The following RBFOX1 variants were observed in gnomAD, a reference collection of about 807,000 sequenced individuals.
The protein encoded by RBFOX1 is RNA binding protein fox-1 homolog 1.
RBFOX1 carries 8 observed loss-of-function variants against 57.7 expected under a neutral mutation model. The ratio of observed to expected loss-of-function variants is 0.14; its 90% CI spans 0.08 to 0.25. RBFOX1 has a LOEUF of 0.25. Among genes scored for constraint, RBFOX1 ranks in the 10% least tolerant of loss-of-function variants. The probability of loss-of-function intolerance (pLI) is 1.00; values close to 1 mark genes in which losing one functional copy is unlikely to be tolerated. For missense variants in RBFOX1, 611 were observed against 548.5 expected, an observed-to-expected ratio of 1.11 and a Z score of -1.14; for synonymous variants, 326 against 222.4, an observed-to-expected ratio of 1.47 and a Z score of -4.15.
intron 6 of RBFOX1, 81 bp from the exon 7 acceptor site, chr16:7,587,166 G>T (rs576127251): frequency 3.0e-6 from 4 of 1,319,174 alleles, no homozygotes; most frequent in Admixed American, 3.0e-5. Context: ...AAAAATGGAC[G>T]TGGGAAACAA....
chr16:6,655,933 C>G (rs1322671445), intron 3 of RBFOX1, among the ~76,000 whole-genome samples: 1 of 152,168 alleles, frequency 6.6e-6, no homozygotes, highest in African/African-American at 2.4e-5. Flanking sequence ...AGTTGCCACA[C>G]ATTATTTTAG....
At chr16:7,527,196 A>T (rs1365698803) in intron 5 of RBFOX1, among the ~76,000 whole-genome samples, 1 of 152,200 alleles carries the variant, frequency 6.6e-6, no homozygotes, top group Non-Finnish European at 1.5e-5. Context: ...TAATTTGAAG[A>T]CATGGGTACT....
intron 2 of RBFOX1, among the ~76,000 whole-genome samples, chr16:6,317,721 G>A (rs535784768): frequency 6.6e-6 from 1 of 152,094 alleles, no homozygotes; most frequent in Non-Finnish European, 1.5e-5. Flanking sequence ...TTTATATGCA[G>A]ATATACTCTA....
intron 12 of RBFOX1, among the ~76,000 whole-genome samples, chr16:7,658,752 T>C (rs1357865731): frequency 6.6e-6 from 1 of 152,044 alleles, no homozygotes; most frequent in Non-Finnish European, 1.5e-5. Flanking sequence ...TGAGATGGAG[T>C]CTTGCTCTGT....
chr16:7,313,892 G>C (rs986281504), intron 4 of RBFOX1, among the ~76,000 whole-genome samples: 3 of 152,166 alleles, frequency 2.0e-5, no homozygotes, highest in African/African-American at 4.8e-5. Context: ...GGCTGGTTCT[G>C]TATGATTTAC....
At chr16:5,634,297 C>T (rs1409467705) in intron 3 of RBFOX1, among the ~76,000 whole-genome samples, 1 of 152,186 alleles carries the variant, frequency 6.6e-6, no homozygotes, top group African/African-American at 2.4e-5. Flanking sequence ...TATTTATTTT[C>T]ACTTTCTCCA....
chr16:5,603,668 C>T (rs1038803801), downstream of RBFOX1, among the ~76,000 whole-genome samples: 2 of 152,148 alleles, frequency 1.3e-5, no homozygotes, highest in African/African-American at 4.8e-5. Flanking sequence ...AGGGTCTTTG[C>T]TTAGATGCCA....
At chr16:7,114,504 A>G (rs956450414) in intron 4 of RBFOX1, among the ~76,000 whole-genome samples, 1 of 152,188 alleles carries the variant, frequency 6.6e-6, no homozygotes, top group Non-Finnish European at 1.5e-5. Flanking sequence ...GCACTGTGAA[A>G]ATTAGCAGTG....
chr16:7,305,398 G>C (rs1016676408), intron 4 of RBFOX1, among the ~76,000 whole-genome samples: 1 of 152,090 alleles, frequency 6.6e-6, no homozygotes, highest in African/African-American at 2.4e-5. Flanking sequence ...CATTGGGCAG[G>C]GGCAGTGGAT....
chr16:6,986,023 C>G (rs929936946), intron 3 of RBFOX1, among the ~76,000 whole-genome samples: 3 of 151,440 alleles, frequency 2.0e-5, no homozygotes, highest in Non-Finnish European at 4.4e-5. Flanking sequence ...CAGAAACTCA[C>G]TTTAGAGAAC....
chr16:5,246,462 G>C (rs2062302852), intron 1 of RBFOX1, among the ~76,000 whole-genome samples: 2 of 151,928 alleles, frequency 1.3e-5, no homozygotes, highest in Non-Finnish European at 1.5e-5. Context: ...TTTGTGGTGA[G>C]AACACTTAAA....
chr16:5,352,338 A>G (rs550954684), intron 1 of RBFOX1, among the ~76,000 whole-genome samples: 6 of 152,178 alleles, frequency 3.9e-5, no homozygotes, highest in African/African-American at 1.2e-4. Flanking sequence ...TAACCCAGCA[A>G]TTGCATTCCT....
At chr16:5,293,557 A>G (rs1004851956) in intron 1 of RBFOX1, among the ~76,000 whole-genome samples, 17 of 152,160 alleles carry the variant, frequency 1.1e-4, no homozygotes, top group African/African-American at 4.1e-4. Context: ...GTCCATCCAC[A>G]TGTAGTAGGC....
intron 3 of RBFOX1, chr16:6,721,718 T>G (rs1244839234): frequency 2.6e-5 from 4 of 152,142 alleles, no homozygotes; most frequent in Non-Finnish European, 2.9e-5. Flanking sequence ...CTTATTTAAT[T>G]CATTAATGTA....
rs144956976 is a variant in RBFOX1 at position 7,688,696 on chromosome 16, G to A, written c.995+11858G>A. On this transcript the variant is annotated intron_variant, in intron 14 of 15. Coordinates refer to ENST00000550418, the MANE Select transcript of RBFOX1 (RefSeq NM_018723.4). The stretch of plus-strand genomic sequence containing the variant: ...AGTGTACCACCAGCTGAGGCAGATA[G>A]AGTATAGATGGTTGATCTATAAAAC... 1.1e-3 allele frequency among the ~76,000 whole-genome samples: 175 copies of A among 152,208 alleles called. 2 individuals carry two copies. The highest frequency in any genetic ancestry group is 3.9e-3 in the African/African-American group (164 of 41,532).
chr16:6,951,360 C>G (rs1014612961), intron 3 of RBFOX1, among the ~76,000 whole-genome samples: 5 of 152,284 alleles, frequency 3.3e-5, no homozygotes, highest in Middle Eastern at 3.4e-3. Context: ...CTAACTCTTT[C>G]TACCAAATAA....
At chr16:7,103,388 G>C (rs1171774915) in intron 4 of RBFOX1, among the ~76,000 whole-genome samples, 1 of 152,122 alleles carries the variant, frequency 6.6e-6, no homozygotes, top group African/African-American at 2.4e-5. Context: ...AAATGAAGCT[G>C]GCCTGGCCCA....
rs546603170 is a variant in RBFOX1, at chr16:5,894,036, G to T, written c.351+26701G>T. Among the ~76,000 whole-genome samples, 199 of 152,246 alleles carry T rather than the reference G, an allele frequency of 1.3e-3. 1 individual carries two copies. Among genetic ancestry groups the T allele is most frequent in the African/African-American group, 4.2e-3 (174 of 41,562 alleles). On this transcript the variant is annotated intron_variant, in intron 4 of 19. Coordinates refer to the RBFOX1 transcript ENST00000641259. ...GGGTCACCACTAGGAGGAAGTAGCA[G>T]TCATCCACTGGGGAATGATGGTGGC...
chr16:5,397,732 G>C (rs1000309228), intron 1 of RBFOX1, among the ~76,000 whole-genome samples: 1 of 152,172 alleles, frequency 6.6e-6, no homozygotes, highest in African/African-American at 2.4e-5. Context: ...CACATGATAA[G>C]ACCATTAAAA....
Sources: gnomAD v4.1 joint callset for allele counts (sites outside exome capture counted in the v4.1 genomes callset) on GRCh38, gnomAD v4.1.1 for gene constraint, MANE v1.5 for transcripts, NCBI Gene and HGNC (gene_info 2026-07-23, HGNC 2026-07-21) for gene names.